Variants in AFG2A observed in about 807,000 individuals in gnomAD.
AFG2A encodes ATPase family gene 2 protein homolog A.
the AFG2A span, among the ~76,000 whole-genome samples, chr4:122,953,191 CTCAG>C: frequency 6.6e-6 from 1 of 152,194 alleles, no homozygotes; most frequent in Admixed American, 6.5e-5. Context: ...CTTCACCACT[CTCAG>C]TCAGAACTCC....
chr4:123,066,167 C>T, the AFG2A span, among the ~76,000 whole-genome samples: 8,186 of 152,128 alleles, frequency 0.054, 526 homozygotes, highest in African/African-American at 0.16. Flanking sequence ...TCAGGCTTAG[C>T]GGCATTCTGA....
the AFG2A span, among the ~76,000 whole-genome samples, chr4:123,014,559 C>A: frequency 6.6e-6 from 1 of 152,016 alleles, no homozygotes; most frequent in East Asian, 1.9e-4. Context: ...TGACTTCATG[C>A]ATAGCCAGAT....
the AFG2A span, among the ~76,000 whole-genome samples, chr4:123,246,287 C>T: frequency 6.6e-6 from 1 of 152,124 alleles, no homozygotes; most frequent in Admixed American, 6.6e-5. Context: ...GGTTCACTGC[C>T]TCTGCTATTA....
chr4:123,004,216 C>G, the AFG2A span, among the ~76,000 whole-genome samples: 1,831 of 152,306 alleles, frequency 0.012, 42 homozygotes, highest in African/African-American at 0.041. Flanking sequence ...TCTGTTACCC[C>G]TTTCCTTGAC....
chr4:123,193,079 C>CT, the AFG2A span, among the ~76,000 whole-genome samples: 1 of 152,110 alleles, frequency 6.6e-6, no homozygotes, highest in African/African-American at 2.4e-5. Flanking sequence ...CCTTGTGTAT[C>CT]TGAGAGTTCT....
chr4:122,963,911 C>T, the AFG2A span, among the ~76,000 whole-genome samples: 1 of 152,104 alleles, frequency 6.6e-6, no homozygotes. Context: ...CCAGTAAAAA[C>T]CAAATCTAAC....
the AFG2A span, among the ~76,000 whole-genome samples, chr4:123,051,619 AGTAGTG>A: frequency 2.5e-5 from 1 of 39,754 alleles, no homozygotes; most frequent in Non-Finnish European, 9.7e-5. Context: ...GGACAGGTCT[AGTAGTG>A]ATAAATTTCC....
At chr4:123,233,769 A>C in the AFG2A span, among the ~76,000 whole-genome samples, 1 of 151,762 alleles carries the variant, frequency 6.6e-6, no homozygotes, top group Non-Finnish European at 1.5e-5. Context: ...TGCAGTGTTT[A>C]TGTATACATA....
chr4:123,263,792 A>G, the AFG2A span, among the ~76,000 whole-genome samples: 4 of 152,214 alleles, frequency 2.6e-5, no homozygotes, highest in African/African-American at 9.7e-5. Context: ...CACTATGGAA[A>G]ACAGTGTAGA....
the AFG2A span, among the ~76,000 whole-genome samples, chr4:123,301,875 A>G: frequency 6.6e-6 from 1 of 152,190 alleles, no homozygotes; most frequent in Admixed American, 6.5e-5. Flanking sequence ...AAAGACACGC[A>G]TTACAGATTA....
chr4:123,212,241 G>A, the AFG2A span, among the ~76,000 whole-genome samples: 1 of 151,498 alleles, frequency 6.6e-6, no homozygotes, highest in South Asian at 2.1e-4. Context: ...CCTTTTTCTT[G>A]TCCTGATTAA....
the AFG2A span, among the ~76,000 whole-genome samples, chr4:123,283,949 A>T: frequency 6.6e-6 from 1 of 152,088 alleles, no homozygotes; most frequent in Non-Finnish European, 1.5e-5. Context: ...ACCGACACAC[A>T]TATTCTTCCT....
chr4:122,940,425 G>A, the AFG2A span, among the ~76,000 whole-genome samples: 4 of 152,204 alleles, frequency 2.6e-5, no homozygotes, highest in Admixed American at 2.0e-4. Context: ...CTGCATAAAT[G>A]TCTTCTTCTG....
the AFG2A span, among the ~76,000 whole-genome samples, chr4:123,053,528 A>G: frequency 1.3e-5 from 2 of 152,232 alleles, no homozygotes. Context: ...ATCAGCATGC[A>G]TCACTCAGCT....
chr4:122,983,870 A>G, the AFG2A span, among the ~76,000 whole-genome samples: 1 of 152,202 alleles, frequency 6.6e-6, no homozygotes, highest in Admixed American at 6.5e-5. Context: ...GGCTAGACCT[A>G]GAAGACAGAC....
the AFG2A span, among the ~76,000 whole-genome samples, chr4:123,045,762 A>T: frequency 6.6e-6 from 1 of 151,972 alleles, no homozygotes; most frequent in Non-Finnish European, 1.5e-5. Context: ...TTTTCCTGTT[A>T]AGTTAATATT....
At chr4:122,953,222 G>A in the AFG2A span, among the ~76,000 whole-genome samples, 3 of 152,166 alleles carry the variant, frequency 2.0e-5, no homozygotes, top group Non-Finnish European at 2.9e-5. Context: ...GTTGTTTGGA[G>A]GGTCAAGCCT....
At chr4:123,143,335 A>C in the AFG2A span, among the ~76,000 whole-genome samples, 1 of 152,230 alleles carries the variant, frequency 6.6e-6, no homozygotes, top group East Asian at 1.9e-4. Context: ...AGTTTTCAGC[A>C]GTCGTCGCTA....
the AFG2A span, among the ~76,000 whole-genome samples, chr4:123,079,875 G>A: frequency 1.2e-4 from 18 of 146,532 alleles, no homozygotes; most frequent in African/African-American, 4.3e-4. Context: ...TCAGCCTCCC[G>A]AGTAGCTGGG....
Sources: allele counts gnomAD v4.1 joint callset (sites outside exome capture counted in the v4.1 genomes callset), GRCh38; gene constraint gnomAD v4.1.1; transcripts MANE v1.5; gene names NCBI Gene and HGNC (gene_info 2026-07-23, HGNC 2026-07-21).